SPAG16: variants seen among roughly 807,000 people sequenced by gnomAD.
SPAG16 encodes the protein sperm associated antigen 16.
Under a neutral mutation model 80.4 loss-of-function variants are expected in SPAG16, and 86 were observed. The ratio of observed to expected loss-of-function variants is 1.07; its 90% CI spans 0.90 to 1.28. The LOEUF is 1.28. Among genes scored for constraint, SPAG16 ranks in the 50% most tolerant of loss-of-function variants. The pLI, the probability that SPAG16 is intolerant of heterozygous loss-of-function variation, is 0.00. For synonymous variants in SPAG16, 294 were observed against 265.9 expected (o/e 1.11, Z -1.03); for missense variants, 870 against 765.3 (o/e 1.14, Z -1.61).
rs572638735 is a variant in SPAG16 at position 213,617,096 on chromosome 2, A to G, written c.1070+127006A>G. Among the ~76,000 whole-genome samples, 14 of 152,344 alleles carry G rather than the reference A, an allele frequency of 9.2e-5. No homozygotes were observed. In the South Asian group the frequency reaches 1.9e-3, roughly 20 times the overall value. On this transcript the variant is annotated intron_variant, in intron 10 of 15. Transcript: ENST00000331683. Reference sequence around the variant, plus strand: ...GATTGAATAGGGAAAAGATAAGTCCAAAAAGGAAAGGGAAAGAAGGGAAAT... The same window carrying G: ...GATTGAATAGGGAAAAGATAAGTCCGAAAAGGAAAGGGAAAGAAGGGAAAT...
At chr2:213,898,001 A>G (rs1364524612) in intron 11 of SPAG16, among the ~76,000 whole-genome samples, 1 of 152,134 alleles carries the variant, frequency 6.6e-6, no homozygotes, top group East Asian at 1.9e-4. Flanking sequence ...AAGATGGACA[A>G]ATTTTATCTC....
chr2:213,967,887 G>T (rs1377914776), intron 12 of SPAG16, among the ~76,000 whole-genome samples: 1 of 152,062 alleles, frequency 6.6e-6, no homozygotes, highest in Non-Finnish European at 1.5e-5. Context: ...TATTTTAAAT[G>T]ATAATGCTGG....
rs528876496 is a variant in SPAG16, at chr2:214,139,465, A to G, written c.1594-9675A>G. Among the ~76,000 whole-genome samples, 4 of 152,116 alleles carry G rather than the reference A, an allele frequency of 2.6e-5. No individual in the cohort carries two copies. In the East Asian group the frequency reaches 7.7e-4, roughly 29 times the overall value. ...GATGTTATCTCTTATTATTTTAATA[A>G]CTTTAATTTTGCTTCTCATTCATCA... On this transcript the variant is annotated intron_variant, in intron 14 of 15. Transcript: ENST00000331683.
chr2:213,503,718 A>C (rs1338963310), intron 10 of SPAG16, among the ~76,000 whole-genome samples: 6 of 152,240 alleles, frequency 3.9e-5, no homozygotes, highest in African/African-American at 1.4e-4. Context: ...TTTTGTGACA[A>C]GGAATAAAGG....
intron 10 of SPAG16, among the ~76,000 whole-genome samples, chr2:213,579,929 T>C (rs910793085): frequency 6.6e-6 from 1 of 152,122 alleles, no homozygotes; most frequent in Non-Finnish European, 1.5e-5. Context: ...CATAAATAAA[T>C]ATCAGGAGAT....
intron 10 of SPAG16, among the ~76,000 whole-genome samples, chr2:213,718,239 T>A: frequency 6.9e-6 from 1 of 144,146 alleles, no homozygotes; most frequent in Non-Finnish European, 1.5e-5. Flanking sequence ...ATGTGGCCAA[T>A]AAACAAATGA....
intron 11 of SPAG16, among the ~76,000 whole-genome samples, chr2:213,892,644 G>T (rs1039057466): frequency 6.6e-6 from 1 of 152,070 alleles, no homozygotes; most frequent in Non-Finnish European, 1.5e-5. Flanking sequence ...AAATCGTAGA[G>T]CTGAGAAATA....
At chr2:214,332,073 G>A (rs1696953948) in intron 15 of SPAG16, among the ~76,000 whole-genome samples, 2 of 152,294 alleles carry the variant, frequency 1.3e-5, no homozygotes, top group South Asian at 4.1e-4. Flanking sequence ...CCAACATGGT[G>A]AAATCCCACC....
intron 11 of SPAG16, among the ~76,000 whole-genome samples, chr2:213,917,617 T>C (rs2078029843): frequency 6.6e-6 from 1 of 152,224 alleles, no homozygotes. Context: ...TTTTTGTACA[T>C]CGATTTTGTA....
intron 10 of SPAG16, among the ~76,000 whole-genome samples, chr2:213,801,535 A>G (rs2071398102): frequency 6.6e-6 from 1 of 152,224 alleles, no homozygotes; most frequent in Non-Finnish European, 1.5e-5. Context: ...TGAGGCACAG[A>G]TCTTTACACA....
intron 8 of SPAG16, among the ~76,000 whole-genome samples, chr2:213,370,472 A>T (rs2125171349): frequency 6.6e-6 from 1 of 152,312 alleles, no homozygotes; most frequent in East Asian, 1.9e-4. Context: ...TCATATTAAG[A>T]TAAGAAGAAT....
intron 14 of SPAG16, among the ~76,000 whole-genome samples, chr2:214,131,351 C>G (rs2054763563): frequency 6.8e-6 from 1 of 147,386 alleles, no homozygotes; most frequent in Non-Finnish European, 1.5e-5. Flanking sequence ...ACCTGGGTGA[C>G]AGAGCAAGAC....
At chr2:213,815,613 G>C (rs2072479197) in intron 10 of SPAG16, among the ~76,000 whole-genome samples, 1 of 151,886 alleles carries the variant, frequency 6.6e-6, no homozygotes, top group African/African-American at 2.4e-5. Context: ...TACCCAGGTG[G>C]TACTCAGGGC....
intron 10 of SPAG16, among the ~76,000 whole-genome samples, chr2:213,598,160 A>C (rs1381990566): frequency 6.6e-6 from 1 of 152,058 alleles, no homozygotes; most frequent in Non-Finnish European, 1.5e-5. Flanking sequence ...TCTGTACCCC[A>C]TTAAGTGGTT....
At chr2:214,293,632 G>A (rs1026164536) in intron 15 of SPAG16, among the ~76,000 whole-genome samples, 1 of 152,170 alleles carries the variant, frequency 6.6e-6, no homozygotes, top group East Asian at 1.9e-4. Context: ...TCTGCTTCTG[G>A]GGAGGCTGGG....
At chr2:214,044,358 G>A (rs2049196224) in intron 13 of SPAG16, among the ~76,000 whole-genome samples, 1 of 152,166 alleles carries the variant, frequency 6.6e-6, no homozygotes, top group Admixed American at 6.5e-5. Flanking sequence ...CTACCGTGCT[G>A]TGGTTTCTCC....
intron 15 of SPAG16, among the ~76,000 whole-genome samples, chr2:214,243,819 C>T (rs1457337523): frequency 2.6e-5 from 4 of 151,988 alleles, no homozygotes; most frequent in Non-Finnish European, 5.9e-5. Context: ...GTAAATAGAA[C>T]AGAGCATCTC....
At chr2:214,083,891 CTTA>C (rs1356565928) in intron 13 of SPAG16, among the ~76,000 whole-genome samples, 1 of 152,046 alleles carries the variant, frequency 6.6e-6, no homozygotes, top group Non-Finnish European at 1.5e-5. Flanking sequence ...AAGCTAGACT[CTTA>C]TTATTGCATC....
intron 9 of SPAG16, among the ~76,000 whole-genome samples, chr2:213,385,442 C>T (rs1448569558): frequency 6.6e-6 from 1 of 152,152 alleles, no homozygotes; most frequent in Non-Finnish European, 1.5e-5. Flanking sequence ...CCTCAGGACC[C>T]AATTCTTCAT....
Sources: gnomAD v4.1 joint callset for allele counts (sites outside exome capture counted in the v4.1 genomes callset) on GRCh38, gnomAD v4.1.1 for gene constraint, MANE v1.5 for transcripts, NCBI Gene and HGNC (gene_info 2026-07-23, HGNC 2026-07-21) for gene names.